RABGGTA: variants seen among roughly 807,000 people sequenced by gnomAD.
The protein encoded by RABGGTA is geranylgeranyl transferase type-2 subunit alpha.
Under a neutral mutation model 83.3 loss-of-function variants are expected in RABGGTA, and 69 were observed. That is an observed-to-expected ratio of 0.83 (90% CI 0.68 to 1.01). RABGGTA has a LOEUF of 1.01. RABGGTA is among the 50% of genes least tolerant of loss of function. The pLI is 0.00. For missense variants in RABGGTA, 681 were observed against 712.7 expected, an observed-to-expected ratio of 0.96 and a Z score of 0.51; for synonymous variants, 310 against 299.8, an observed-to-expected ratio of 1.03 and a Z score of -0.35.
intron 14 of RABGGTA, 68 bp downstream of exon 14, chr14:24,267,592 G>A (rs1268431988): frequency 1.3e-5 from 17 of 1,304,788 alleles, no homozygotes; most frequent in Non-Finnish European, 1.8e-5. Flanking sequence ...GAGACTGGGG[G>A]CAAAGTCAGG....
At chr14:24,268,344 T>A (rs1194028502) in intron 11 of RABGGTA, 25 bp downstream of exon 11, 2 of 1,612,808 alleles carry the variant, frequency 1.2e-6, no homozygotes, top group African/African-American at 2.7e-5. Context: ...GCCCCTCTCC[T>A]TGTTTTGTGC....
chr14:24,270,986 T>TG (rs2040941703), intron 2 of RABGGTA, 39 bp from the exon 3 acceptor site: 7 of 1,607,298 alleles, frequency 4.4e-6, no homozygotes, highest in African/African-American at 2.7e-5. Context: ...CAGGTTGCCT[T>TG]GCAGAAGCTG....
chr14:24,266,594 G>A (rs998720684), intron 15 of RABGGTA, 77 bp from the exon 16 acceptor site: 1 of 1,415,718 alleles, frequency 7.1e-7, no homozygotes, highest in African/African-American at 1.4e-5. Context: ...AGCTCAGGGT[G>A]ACGGGTCCAC....
rs557685502 is a variant in RABGGTA at position 24,269,859 on chromosome 14, C to A, written c.427+94G>T. 11 of 1,496,134 alleles carry A rather than the reference C, an allele frequency of 7.4e-6. No individual in the cohort carries two copies. The African/African-American group carries it at 1.5e-4, about 21-fold the overall frequency. The allele number at this position is 1,496,134 out of a possible 1,614,324, so 92.7% of individuals were successfully genotyped here. On this transcript the variant is annotated intron_variant, in intron 5 of 16. Transcript: ENST00000216840. ...TCAGCACCAGCTCAGTGGACCCATCCTGGATATCCCTCCCCATTCTGGGCC... is the reference window on the plus strand; with the variant it reads ...TCAGCACCAGCTCAGTGGACCCATCATGGATATCCCTCCCCATTCTGGGCC...
rs775447807 is a variant in RABGGTA at position 24,267,971 on chromosome 14, C to G, written c.1148-13G>C. The G allele has an allele frequency of 1.9e-6, 3 of 1,612,754 alleles. No homozygotes were observed. Among genetic ancestry groups the G allele is most frequent in the Non-Finnish European group, 2.5e-6 (3 of 1,179,162 alleles). On this transcript the variant is annotated splice_polypyrimidine_tract_variant and intron_variant, in intron 12 of 16. Transcript: ENST00000216840. ...GTAAGCAGGCACCCTGAGGAGAGGG[C>G]AGGGAAAAGGAGGGTTTCTCTTGGA...
rs199865877 is a variant in RABGGTA at position 24,270,159 on chromosome 14, G to GC, written c.240-20_240-19insG. On this transcript the variant is annotated intron_variant, in intron 4 of 16. Transcript: ENST00000216840. ...AGGAGACCTGTACCCAGAAGGGAAG[G>GC]GGGGGGTCAGGGCTCTCCTACAGTC... 1.3e-6 allele frequency: 2 copies of GC among 1,593,008 alleles called. No homozygotes were observed. Among genetic ancestry groups the GC allele is most frequent in the Admixed American group, 1.8e-5 (1 of 56,422 alleles).
intron 16 of RABGGTA, 44 bp from the exon 17 acceptor site, chr14:24,265,807 T>C: frequency 6.4e-7 from 1 of 1,555,950 alleles, no homozygotes; most frequent in African/African-American, 1.4e-5. Flanking sequence ...TTCCTCCCAA[T>C]TTATTTGCTC....
In RABGGTA at chr14:24,268,109, C is replaced by T. The variant is rs377178792; in HGVS notation, c.1147+1G>A. Reference sequence around the variant, plus strand: ...CAGACTCTCACGGAATGGGGCCTCACATTTATTCTCAGGCTCCAGCTCCTG... The same window carrying T: ...CAGACTCTCACGGAATGGGGCCTCATATTTATTCTCAGGCTCCAGCTCCTG... On this transcript the variant is annotated splice_donor_variant, in intron 12 of 16. Coordinates refer to ENST00000216840, the MANE Select transcript of RABGGTA (RefSeq NM_182836.3). LOFTEE classifies it high-confidence loss of function. 6.2e-7 allele frequency: 1 copy of T among 1,609,628 alleles called. No individual in the cohort carries two copies. Among genetic ancestry groups the T allele is most frequent in the East Asian group, 2.2e-5 (1 of 44,568 alleles).
At chr14:24,266,658 C>T in intron 15 of RABGGTA, 118 bp downstream of exon 15, 1 of 1,213,134 alleles carries the variant, frequency 8.2e-7, no homozygotes. Flanking sequence ...GGAAGGCACG[C>T]AGTTACCTGT....
chr14:24,269,292 G>C (rs1035188795), intron 6 of RABGGTA, 129 bp from the exon 7 acceptor site: 8 of 1,046,912 alleles, frequency 7.6e-6, no homozygotes, highest in Non-Finnish European at 1.1e-5. Flanking sequence ...CTTGCACAGG[G>C]GCTACGTATG....
Position 24,269,989 on chromosome 14 carries a change from G to A in RABGGTA, c.391C>T (p.Leu131Phe), listed in dbSNP as rs1049508721. 1 of 1,613,718 alleles carries A rather than the reference G, an allele frequency of 6.2e-7. No individual in the cohort carries two copies. The change falls in exon 5 of 17, where the codon CTC becomes TTC. Residue 131 changes from leucine (L) to phenylalanine (F), a missense_variant. Around this residue, in one of 5 missense-constraint regions of RABGGTA, gnomAD observed 122 missense variants for 118.9 expected, o/e 1.03. Coordinates refer to ENST00000216840, the MANE Select transcript of RABGGTA (RefSeq NM_182836.3). ...PEPNWTRELE[L>F]CARFLEVDER... is the part of the protein sequence containing the mutation. ...TCCACCTCCAGGAAACGGGCACAGA[G>A]CTCCAGCTCTCGGGTCCAGTTGGGC...
chr14:24,270,340 G>A lies in RABGGTA; in HGVS notation c.233C>T (p.Thr78Ile), dbSNP rs1566388552. ...ATCCTGAATCCCTACGCACTTCTGA[G>A]TCTCCAGCTGCTGGAGCACCTCTCG... ...CRREVLQQLE[T>I]QKSPEELAAL... Residue 78 changes from threonine (T) to isoleucine (I), a missense_variant, in exon 4 of 17, where the codon ACT becomes ATT. Physicochemically the swap from Thr to Ile is moderately conservative, Grantham distance 89. This residue lies in a region of RABGGTA where 115 missense variants were observed against 111.5 expected (regional missense o/e 1.03). Coordinates refer to ENST00000216840, the MANE Select transcript of RABGGTA (RefSeq NM_182836.3). 5 of 1,611,512 alleles carry A rather than the reference G, an allele frequency of 3.1e-6. No individual in the cohort carries two copies. Among genetic ancestry groups the A allele is most frequent in the South Asian group, 1.1e-5 (1 of 90,698 alleles).
chr14:24,266,755 A>T (rs1259019822), intron 15 of RABGGTA, 21 bp downstream of exon 15: 1 of 1,583,398 alleles, frequency 6.3e-7, no homozygotes, highest in Non-Finnish European at 8.7e-7. Context: ...CGTGACAGGG[A>T]CGGAGACATG....
In RABGGTA at chr14:24,267,909, C is replaced by G. The variant is rs919824830; in HGVS notation, c.1197G>C (p.Leu399=). The G allele has an allele frequency of 3.7e-6, 6 of 1,613,724 alleles. No homozygotes were observed. In the African/African-American group the frequency reaches 6.7e-5, roughly 18 times the overall value. The change falls in exon 13 of 17, where the codon CTG becomes CTC. Residue 399 remains leucine (L), a synonymous_variant. Transcript: ENST00000216840. The stretch of plus-strand genomic sequence containing the variant: ...AGTACTGCAGGGTCTCCTTCTCATA[C>G]AGCAGGGGGTCCAGTGCCCGCATCA... ...ILLMRALDPL[L]YEKETLQYFQ... is the part of the protein sequence containing the mutation.
chr14:24,268,117 C>T lies in RABGGTA; in HGVS notation c.1140G>A (p.Glu380=), dbSNP rs2139038961. 1 of 1,613,916 alleles carries T rather than the reference C, an allele frequency of 6.2e-7. No individual in the cohort carries two copies. The highest frequency in any genetic ancestry group is 8.5e-7 in the Non-Finnish European group (1 of 1,179,862). Residue 380 remains glutamate (E), a synonymous_variant, in exon 12 of 17, where the codon GAG becomes GAA. Transcript: ENST00000216840. ...SCKELQELEP[E]NKWCLLTIIL... is the part of the protein sequence containing the mutation. ...CACGGAATGGGGCCTCACATTTATT[C>T]TCAGGCTCCAGCTCCTGCAGCTCCT... is the stretch of plus-strand genomic sequence containing the variant.
chr14:24,271,048 G>A lies in RABGGTA; in HGVS notation c.3+65C>T, dbSNP rs181170702. 8.6e-4 allele frequency: 1,363 copies of A among 1,584,224 alleles called. 13 individuals are homozygous for A. The African/African-American group carries it at 0.016, about 19-fold the overall frequency. On this transcript the variant is annotated intron_variant, in intron 2 of 16. Transcript: ENST00000216840. ...CCCTAGGTTCATACGGGGCAACCATGGCACTGCCACTGGGGGTGAGGGCGC... is the reference window on the plus strand; with the variant it reads ...CCCTAGGTTCATACGGGGCAACCATAGCACTGCCACTGGGGGTGAGGGCGC...
intron 8 of RABGGTA, 39 bp from the exon 9 acceptor site, chr14:24,268,865 A>G (rs1452942840): frequency 3.8e-6 from 6 of 1,568,100 alleles, no homozygotes; most frequent in Non-Finnish European, 5.2e-6. Flanking sequence ...CATCAGCACC[A>G]GGCCCACAGT....
rs868382861 is a variant in RABGGTA, at chr14:24,268,639, G to A, written c.901-20C>T. On this transcript the variant is annotated intron_variant, in intron 9 of 16. Coordinates refer to ENST00000216840, the MANE Select transcript of RABGGTA (RefSeq NM_182836.3). ...ACAGAGCTGGGAGTACTGGGTCAAG[G>A]AAATGCCCCAGCCTAACCACTTTTT... is the stretch of plus-strand genomic sequence containing the variant. 3 of 1,612,230 alleles carry A rather than the reference G, an allele frequency of 1.9e-6. No homozygotes were observed. Among genetic ancestry groups the A allele is most frequent in the Non-Finnish European group, 8.5e-7 (1 of 1,178,426 alleles).
Position 24,265,772 on chromosome 14 carries a change from GGA to G in RABGGTA, c.1556-11_1556-10del, listed in dbSNP as rs1162912408. 6.3e-7 allele frequency: 1 copy of G among 1,599,260 alleles called. No individual in the cohort carries two copies. Among genetic ancestry groups the G allele is most frequent in the East Asian group, 2.2e-5 (1 of 44,454 alleles). On this transcript the variant is annotated splice_polypyrimidine_tract_variant and intron_variant, in intron 16 of 16. Coordinates refer to ENST00000216840, the MANE Select transcript of RABGGTA (RefSeq NM_182836.3). ...TGCAGGCTGCTGGAGGCCTTGTTCA[GGA>G]GAGTCAAGGAAAGCTTGGCAGGTTC...
Sources: gnomAD v4.1 joint callset for allele counts on GRCh38, gnomAD v4.1.1 for gene constraint, gnomAD v4.1.1 regional missense constraint, MANE v1.5 for transcripts, NCBI Gene and HGNC (gene_info 2026-07-23, HGNC 2026-07-21) for gene names.